WWC1: variants seen among roughly 807,000 people sequenced by gnomAD.
The protein encoded by WWC1 is protein KIBRA.
Under a neutral mutation model 138.4 loss-of-function variants are expected in WWC1, and 55 were observed. The ratio of observed to expected loss-of-function variants is 0.40; its 90% CI spans 0.32 to 0.50. The LOEUF (loss-of-function observed/expected upper bound fraction) is 0.50. WWC1 is among the 20% of genes least tolerant of loss of function. The pLI is 0.72. For missense variants in WWC1, 1,226 were observed against 1,420.4 expected, an observed-to-expected ratio of 0.86 and a Z score of 2.20; for synonymous variants, 524 against 564.9, an observed-to-expected ratio of 0.93 and a Z score of 1.03.
chr5:168,306,250 A>C (rs905738983), intron 1 of WWC1, among the ~76,000 whole-genome samples: 4 of 151,948 alleles, frequency 2.6e-5, no homozygotes, highest in Non-Finnish European at 5.9e-5. Context: ...TACAAAATTG[A>C]CCAGGTGTAG....
chr5:168,431,757 A>G (rs1424943497), intron 15 of WWC1, among the ~76,000 whole-genome samples: 1 of 152,166 alleles, frequency 6.6e-6, no homozygotes, highest in East Asian at 1.9e-4. Flanking sequence ...TTTACTATAC[A>G]GCATGAGAGA....
intron 2 of WWC1, among the ~76,000 whole-genome samples, chr5:168,381,733 CG>C (rs987555614): frequency 3.5e-5 from 5 of 142,242 alleles, no homozygotes; most frequent in African/African-American, 1.3e-4. Context: ...AAGTGTTCTT[CG>C]GGGGGTGGGG....
At chr5:168,419,293 A>G (rs1780898542) in intron 9 of WWC1, among the ~76,000 whole-genome samples, 1 of 152,222 alleles carries the variant, frequency 6.6e-6, no homozygotes, top group Admixed American at 6.5e-5. Context: ...CCAACAGTGG[A>G]ACACATCTGT....
chr5:168,367,827 G>T (rs1159626087), intron 1 of WWC1, among the ~76,000 whole-genome samples: 1 of 151,780 alleles, frequency 6.6e-6, no homozygotes, highest in Non-Finnish European at 1.5e-5. Flanking sequence ...CAACATTTTA[G>T]TTATGATTAA....
intron 9 of WWC1, among the ~76,000 whole-genome samples, chr5:168,416,837 T>C (rs1002014878): frequency 2.6e-5 from 4 of 152,234 alleles, no homozygotes; most frequent in African/African-American, 9.6e-5. Flanking sequence ...CTACATACAA[T>C]GAAACCAATT....
At chr5:168,379,915 A>G (rs1375269057) in intron 2 of WWC1, among the ~76,000 whole-genome samples, 2 of 152,216 alleles carry the variant, frequency 1.3e-5, no homozygotes, top group South Asian at 4.1e-4. Flanking sequence ...AGAAGAAAAC[A>G]TAGGAGAAAA....
At position 168,460,728 on chromosome 5, in the gene WWC1, G is replaced by A. The variant is rs781412597; in HGVS notation, c.2902G>A (p.Val968Ile). ...TCGAAACTCCCTGGAGCGACGCAGC[G>A]TCCGGATGAAGCGGGTAAGAGAGTC... ...FVRNSLERRS[V>I]RMKRPSSVKS... is the part of the protein sequence containing the mutation. Residue 968 changes from valine to isoleucine, a missense_variant, in exon 20 of 23, where the codon GTC becomes ATC. By Grantham distance (29) the Val-to-Ile change is conservative. This residue lies in a region of WWC1 where 206 missense variants were observed against 247.4 expected (regional missense o/e 0.83). Coordinates refer to ENST00000265293, the MANE Select transcript of WWC1 (RefSeq NM_015238.3). 2.0e-5 allele frequency: 32 copies of A among 1,614,038 alleles called. No homozygotes were observed. Among genetic ancestry groups the A allele is most frequent in the Middle Eastern group, 3.3e-4 (2 of 6,084 alleles).
chr5:168,422,239 A>G, intron 10 of WWC1, 142 bp downstream of exon 10: 1 of 805,042 alleles, frequency 1.2e-6, no homozygotes, highest in Non-Finnish European at 2.0e-6. Context: ...ATGGATTGTC[A>G]GCAGACTCGG....
chr5:168,303,843 A>G (rs1043139015), intron 1 of WWC1, among the ~76,000 whole-genome samples: 1 of 151,918 alleles, frequency 6.6e-6, no homozygotes, highest in African/African-American at 2.4e-5. Flanking sequence ...CCCTACTTCA[A>G]CTCCAGGAAG....
chr5:168,338,898 T>C (rs1166932515), intron 1 of WWC1, among the ~76,000 whole-genome samples: 1 of 152,188 alleles, frequency 6.6e-6, no homozygotes, highest in Non-Finnish European at 1.5e-5. Context: ...GAATACATTC[T>C]AGTGTTCTAT....
At chr5:168,388,611 A>T (rs11743424) in intron 3 of WWC1, among the ~76,000 whole-genome samples, 1 of 152,014 alleles carries the variant, frequency 6.6e-6, no homozygotes, top group African/African-American at 2.4e-5. Flanking sequence ...AGGTGGATCA[A>T]TTGAGGTCAG....
intron 2 of WWC1, among the ~76,000 whole-genome samples, chr5:168,383,919 T>A (rs1396917774): frequency 3.3e-5 from 5 of 152,228 alleles, no homozygotes; most frequent in Non-Finnish European, 5.9e-5. Context: ...TTAGTGTATA[T>A]GTTTTTTGTA....
chr5:168,301,283 T>G (rs1211862646), intron 1 of WWC1, among the ~76,000 whole-genome samples: 1 of 152,212 alleles, frequency 6.6e-6, no homozygotes, highest in Non-Finnish European at 1.5e-5. Flanking sequence ...CTGTAGTAGA[T>G]AAGCTCTCCA....
intron 2 of WWC1, among the ~76,000 whole-genome samples, chr5:168,377,973 C>G (rs577309531): frequency 1.7e-4 from 26 of 152,296 alleles, no homozygotes; most frequent in African/African-American, 6.0e-4. Context: ...GACACATGCA[C>G]TCATATGTTC....
intron 9 of WWC1, among the ~76,000 whole-genome samples, chr5:168,420,017 T>A (rs971200126): frequency 1.3e-5 from 2 of 152,248 alleles, no homozygotes; most frequent in African/African-American, 4.8e-5. Flanking sequence ...TTCTCCCGAC[T>A]CTCTGGTCCC....
chr5:168,411,045 C>G lies in WWC1; in HGVS notation c.941+1050C>G, dbSNP rs564826249. 7.3e-5 allele frequency among the ~76,000 whole-genome samples: 11 copies of G among 151,656 alleles called. No homozygotes were observed. In the South Asian group the frequency reaches 2.3e-3, roughly 32 times the overall value. ...GGTTCACGCCATTCTCCTGCCTCAG[C>G]CTCCCGAGTAGCTGGGACTACAGGC... is the stretch of plus-strand genomic sequence containing the variant. On this transcript the variant is annotated intron_variant, in intron 8 of 22. Coordinates refer to ENST00000265293, the MANE Select transcript of WWC1 (RefSeq NM_015238.3).
intron 16 of WWC1, 113 bp downstream of exon 16, chr5:168,441,947 G>T (rs1412869577): frequency 3.5e-5 from 49 of 1,407,044 alleles, no homozygotes; most frequent in Non-Finnish European, 4.2e-5. Context: ...GAACAATGGG[G>T]TGGAGGAAGT....
chr5:168,316,255 G>C (rs753210294), intron 1 of WWC1, among the ~76,000 whole-genome samples: 49 of 152,302 alleles, frequency 3.2e-4, no homozygotes, highest in Non-Finnish European at 5.3e-4. Flanking sequence ...CCCCAGACAG[G>C]CTGTCTTCAT....
Position 168,292,295 on chromosome 5 carries a change from G to A in WWC1, c.119+24G>A, listed in dbSNP as rs1407089440. ...AGGTAGGACCCTGGAACCCTCCTCC[G>A]TGCCCCCACACCCCCGCCTGGGCCC... On this transcript the variant is annotated intron_variant, in intron 1 of 22. Transcript: ENST00000265293. This position sits in a 1 kb window ranked among gnomAD's most constrained non-coding sequence, Gnocchi z 4.4. 1.9e-6 allele frequency: 3 copies of A among 1,573,102 alleles called. No individual in the cohort carries two copies. The highest frequency in any genetic ancestry group is 3.6e-5 in the Admixed American group (2 of 55,036).
Sources: allele counts gnomAD v4.1 joint callset (sites outside exome capture counted in the v4.1 genomes callset), GRCh38; gene constraint gnomAD v4.1.1; regional missense constraint gnomAD v4.1.1; non-coding constraint Gnocchi (gnomAD v3.1); transcripts MANE v1.5; gene names NCBI Gene and HGNC (gene_info 2026-07-23, HGNC 2026-07-21).